Variants in CPA6 observed in about 807,000 individuals in gnomAD.
CPA6 encodes carboxypeptidase B.
Under a neutral mutation model 63.3 loss-of-function variants are expected in CPA6, and 58 were observed. That is an observed-to-expected ratio of 0.92 (90% CI 0.74 to 1.14). The LOEUF (loss-of-function observed/expected upper bound fraction) is 1.14, where lower values mean the gene tolerates loss of function less well. CPA6 is among the 50% of genes most tolerant of loss of function. The probability of loss-of-function intolerance (pLI) is 0.00; values close to 1 mark genes in which losing one functional copy is unlikely to be tolerated. For missense variants in CPA6, 565 were observed against 526.6 expected (o/e 1.07, Z -0.71); for synonymous variants, 185 against 179.0 (o/e 1.03, Z -0.27).
At chr8:67,701,890 G>A (rs755831491) in intron 1 of CPA6, among the ~76,000 whole-genome samples, 3 of 152,116 alleles carry the variant, frequency 2.0e-5, no homozygotes, top group Non-Finnish European at 2.9e-5. Context: ...AACTGCAGTC[G>A]CTTACAATTC....
chr8:67,647,958 C>T (rs2128990874), intron 1 of CPA6, among the ~76,000 whole-genome samples: 1 of 152,290 alleles, frequency 6.6e-6, no homozygotes, highest in East Asian at 1.9e-4. Context: ...CTGTATCCCA[C>T]TGGGATATTG....
At chr8:67,515,726 T>C (rs565915360) in intron 3 of CPA6, among the ~76,000 whole-genome samples, 2 of 152,242 alleles carry the variant, frequency 1.3e-5, no homozygotes, top group East Asian at 1.9e-4. Flanking sequence ...TCTGGTGATT[T>C]AGGCTACCTG....
At chr8:67,453,381 A>G (rs1048763853) in intron 8 of CPA6, among the ~76,000 whole-genome samples, 2 of 152,210 alleles carry the variant, frequency 1.3e-5, no homozygotes, top group Non-Finnish European at 2.9e-5. Context: ...GTTGCCATCA[A>G]CTGAGCTGAG....
intron 2 of CPA6, among the ~76,000 whole-genome samples, chr8:67,545,546 C>T (rs1812795568): frequency 6.8e-6 from 1 of 147,522 alleles, no homozygotes; most frequent in African/African-American, 2.4e-5. Context: ...TGTTTCTTTC[C>T]ACAGTTGCTA....
chr8:67,553,432 A>C (rs1812993661), intron 2 of CPA6, among the ~76,000 whole-genome samples: 1 of 152,204 alleles, frequency 6.6e-6, no homozygotes, highest in South Asian at 2.1e-4. Context: ...ATAAGTTCTC[A>C]AGCTAACTTT....
At chr8:67,506,123 G>A (rs1013333078) in intron 6 of CPA6, among the ~76,000 whole-genome samples, 7 of 151,590 alleles carry the variant, frequency 4.6e-5, no homozygotes, top group East Asian at 1.9e-4. Context: ...CAGAACATAC[G>A]AAAGTGTTGG....
intron 2 of CPA6, among the ~76,000 whole-genome samples, chr8:67,548,087 TTCTC>T (rs1375758265): frequency 6.6e-6 from 1 of 150,914 alleles, no homozygotes; most frequent in African/African-American, 2.4e-5. Flanking sequence ...TTTCTTTTCT[TTCTC>T]TCTTTCTCTT....
At chr8:67,686,960 T>A (rs1167134322) in intron 1 of CPA6, among the ~76,000 whole-genome samples, 1 of 152,188 alleles carries the variant, frequency 6.6e-6, no homozygotes, top group Non-Finnish European at 1.5e-5. Context: ...TTCTGCCAGG[T>A]AATGGATACC....
intron 2 of CPA6, among the ~76,000 whole-genome samples, chr8:67,590,538 C>G (rs1030497506): frequency 6.6e-6 from 1 of 150,970 alleles, no homozygotes; most frequent in Non-Finnish European, 1.5e-5. Flanking sequence ...TCTCCACATC[C>G]TCTCCAGCAC....
chr8:67,543,641 G>A (rs1459266179), intron 2 of CPA6, among the ~76,000 whole-genome samples: 17 of 152,026 alleles, frequency 1.1e-4, no homozygotes, highest in South Asian at 1.0e-3. Flanking sequence ...TTGCCCTAAT[G>A]TTATTTTTAC....
At chr8:67,512,839 G>A (rs1476721897) in intron 3 of CPA6, among the ~76,000 whole-genome samples, 2 of 152,100 alleles carry the variant, frequency 1.3e-5, no homozygotes, top group Admixed American at 6.5e-5. Context: ...GTTATTTAAA[G>A]CCTTTAATAT....
chr8:67,480,158 ATAG>A (rs1440173183), intron 8 of CPA6, among the ~76,000 whole-genome samples: 3 of 152,230 alleles, frequency 2.0e-5, no homozygotes, highest in African/African-American at 7.2e-5. Context: ...TTGCTCCTAA[ATAG>A]AAACAAAAAT....
chr8:67,634,360 A>T (rs1461250864), intron 1 of CPA6, among the ~76,000 whole-genome samples: 2 of 150,590 alleles, frequency 1.3e-5, no homozygotes, highest in Admixed American at 1.3e-4. Flanking sequence ...CTGGGACTAC[A>T]GGCGCCCGCT....
intron 1 of CPA6, among the ~76,000 whole-genome samples, chr8:67,700,321 A>G (rs1442056091): frequency 6.6e-6 from 1 of 152,240 alleles, no homozygotes; most frequent in Non-Finnish European, 1.5e-5. Flanking sequence ...ATAAACTCTG[A>G]AAGAAAAACT....
At chr8:67,635,152 T>A (rs1815438596) in intron 1 of CPA6, among the ~76,000 whole-genome samples, 1 of 151,526 alleles carries the variant, frequency 6.6e-6, no homozygotes, top group Non-Finnish European at 1.5e-5. Flanking sequence ...CCTCTTAAAG[T>A]GTTGGGTTTA....
chr8:67,534,349 G>A (rs1167573730), intron 2 of CPA6, among the ~76,000 whole-genome samples: 1 of 152,136 alleles, frequency 6.6e-6, no homozygotes, highest in African/African-American at 2.4e-5. Context: ...CTCAGAGAAG[G>A]GATCAAGGTG....
At chr8:67,486,494 C>T (rs992990741) in intron 6 of CPA6, among the ~76,000 whole-genome samples, 1 of 152,188 alleles carries the variant, frequency 6.6e-6, no homozygotes, top group Admixed American at 6.5e-5. Flanking sequence ...GATGTTCACA[C>T]AATGATGAAA....
intron 1 of CPA6, among the ~76,000 whole-genome samples, chr8:67,634,280 C>T (rs191548037): frequency 0.021 from 3,150 of 148,754 alleles, 75 homozygotes; most frequent in South Asian, 0.08. Context: ...AGTGCAGTGG[C>T]ACTATCTCGG....
intron 3 of CPA6, among the ~76,000 whole-genome samples, chr8:67,515,413 T>G (rs1044074265): frequency 6.6e-6 from 1 of 152,194 alleles, no homozygotes; most frequent in Admixed American, 6.5e-5. Context: ...GAACTCTCTT[T>G]TCTCATATTC....
Sources: gnomAD v4.1 joint callset for allele counts (sites outside exome capture counted in the v4.1 genomes callset) on GRCh38, gnomAD v4.1.1 for gene constraint, MANE v1.5 for transcripts, NCBI Gene and HGNC (gene_info 2026-07-23, HGNC 2026-07-21) for gene names.